Variants in AKR1C8 observed in about 807,000 individuals in gnomAD.
AKR1C8 encodes the protein aldo-keto reductase family 1 member C8.
At chr10:5,172,042 T>C in the AKR1C8 span, among the ~76,000 whole-genome samples, 1 of 152,126 alleles carries the variant, frequency 6.6e-6, no homozygotes, top group African/African-American at 2.4e-5. Flanking sequence ...CTGTACTAGG[T>C]GTAGAGACTA....
chr10:5,152,663 G>C, the AKR1C8 span, among the ~76,000 whole-genome samples: 2 of 152,152 alleles, frequency 1.3e-5, no homozygotes, highest in Non-Finnish European at 2.9e-5. Context: ...GGGACTGAGA[G>C]ACAGCAGATT....
chr10:5,140,568 G>C, the AKR1C8 span, among the ~76,000 whole-genome samples: 7 of 150,848 alleles, frequency 4.6e-5, no homozygotes, highest in Non-Finnish European at 1.0e-4. Context: ...AACACCACAT[G>C]TTCTCACTCA....
the AKR1C8 span, among the ~76,000 whole-genome samples, chr10:5,137,683 GC>G: frequency 6.6e-6 from 1 of 152,056 alleles, no homozygotes; most frequent in African/African-American, 2.4e-5. Flanking sequence ...GGGGCAACTT[GC>G]CCCCAATACT....
chr10:5,117,388 A>G, the AKR1C8 span, among the ~76,000 whole-genome samples: 2 of 152,078 alleles, frequency 1.3e-5, no homozygotes, highest in African/African-American at 2.4e-5. Context: ...AAACATATCC[A>G]CCCTCAATCG....
the AKR1C8 span, among the ~76,000 whole-genome samples, chr10:5,178,959 G>C: frequency 6.6e-6 from 1 of 152,056 alleles, no homozygotes; most frequent in Non-Finnish European, 1.5e-5. Flanking sequence ...CTTTTAATTG[G>C]AGCATTTAGT....
chr10:5,170,686 T>C, the AKR1C8 span, among the ~76,000 whole-genome samples: 2 of 152,140 alleles, frequency 1.3e-5, no homozygotes. Flanking sequence ...AGACAAAATA[T>C]GAGGTTAGTT....
chr10:5,138,541 G>T, the AKR1C8 span, among the ~76,000 whole-genome samples: 3 of 152,092 alleles, frequency 2.0e-5, no homozygotes, highest in African/African-American at 4.8e-5. Flanking sequence ...CAATCAATGT[G>T]TACACTTAAC....
the AKR1C8 span, among the ~76,000 whole-genome samples, chr10:5,181,094 G>C: frequency 0.54 from 82,453 of 152,072 alleles, 23,256 homozygotes; most frequent in Non-Finnish European, 0.6. Context: ...ACGCTGGGAG[G>C]TGTAGACCAG....
At chr10:5,156,454 G>C in the AKR1C8 span, among the ~76,000 whole-genome samples, 1 of 113,620 alleles carries the variant, frequency 8.8e-6, no homozygotes, top group South Asian at 2.4e-4. Context: ...TAGTAAAACA[G>C]ATATTTTTTG....
chr10:5,169,715 C>T, the AKR1C8 span, among the ~76,000 whole-genome samples: 1 of 151,220 alleles, frequency 6.6e-6, no homozygotes, highest in African/African-American at 2.4e-5. Context: ...ATAGTCCTAC[C>T]GCAAATAGTA....
At chr10:5,174,226 T>G in the AKR1C8 span, among the ~76,000 whole-genome samples, 1 of 151,562 alleles carries the variant, frequency 6.6e-6, no homozygotes, top group East Asian at 1.9e-4. Context: ...ATTTTACAAC[T>G]ACTAGATCTT....
the AKR1C8 span, among the ~76,000 whole-genome samples, chr10:5,157,391 A>C: frequency 6.6e-6 from 1 of 152,218 alleles, no homozygotes; most frequent in Non-Finnish European, 1.5e-5. Flanking sequence ...ACGGATGAAA[A>C]TAAGTGAGTT....
At chr10:5,135,741 G>A in the AKR1C8 span, among the ~76,000 whole-genome samples, 6 of 129,086 alleles carry the variant, frequency 4.6e-5, no homozygotes, top group Non-Finnish European at 8.1e-5. Flanking sequence ...ATCAATCATT[G>A]TACATCTTTC....
chr10:5,121,712 C>G, the AKR1C8 span, among the ~76,000 whole-genome samples: 3 of 151,836 alleles, frequency 2.0e-5, no homozygotes, highest in Non-Finnish European at 4.4e-5. Flanking sequence ...AAAGAGGGAC[C>G]AGGTTTGAGT....
the AKR1C8 span, among the ~76,000 whole-genome samples, chr10:5,153,679 G>A: frequency 4.6e-5 from 7 of 152,054 alleles, no homozygotes; most frequent in South Asian, 2.1e-4. Context: ...AAGGGGAGAT[G>A]CTACACATTT....
the AKR1C8 span, among the ~76,000 whole-genome samples, chr10:5,132,021 T>A: frequency 6.6e-6 from 1 of 152,166 alleles, no homozygotes; most frequent in Non-Finnish European, 1.5e-5. Flanking sequence ...ATTGAAATAA[T>A]GTCTTTTGTA....
chr10:5,182,020 C>T, the AKR1C8 span, among the ~76,000 whole-genome samples: 9 of 152,084 alleles, frequency 5.9e-5, no homozygotes, highest in Admixed American at 4.6e-4. Context: ...TCCTTTTTAA[C>T]TTTTCACTAA....
At chr10:5,144,942 T>C in the AKR1C8 span, among the ~76,000 whole-genome samples, 1 of 151,994 alleles carries the variant, frequency 6.6e-6, no homozygotes, top group East Asian at 1.9e-4. Flanking sequence ...CATCCCTGTC[T>C]TGTGCCAGTT....
the AKR1C8 span, among the ~76,000 whole-genome samples, chr10:5,140,260 C>A: frequency 6.6e-6 from 1 of 152,152 alleles, no homozygotes; most frequent in Non-Finnish European, 1.5e-5. Flanking sequence ...GGATCTAGAA[C>A]TAGAAATACC....
Sources: gnomAD v4.1 joint callset for allele counts (sites outside exome capture counted in the v4.1 genomes callset) on GRCh38, gnomAD v4.1.1 for gene constraint, MANE v1.5 for transcripts, NCBI Gene and HGNC (gene_info 2026-07-23, HGNC 2026-07-21) for gene names.